The following ESR1 variants were observed in gnomAD, a reference collection of about 807,000 sequenced individuals.
ESR1 encodes the protein estrogen receptor 1.
In ESR1, 12 loss-of-function variants were observed where a neutral mutation model predicts 52.7. The ratio of observed to expected loss-of-function variants is 0.23; its 90% CI spans 0.15 to 0.37. The LOEUF is 0.37. Among genes scored for constraint, ESR1 ranks in the 10% least tolerant of loss-of-function variants. The pLI, the probability that ESR1 is intolerant of heterozygous loss-of-function variation, is 1.00. For synonymous variants in ESR1, 305 were observed against 316.8 expected (o/e 0.96, Z 0.39); for missense variants, 584 against 779.7 (o/e 0.75, Z 2.99).
Position 152,101,655 on chromosome 6 carries a change from A to G in ESR1, c.*2689A>G, listed in dbSNP as rs935206924. On this transcript the variant is annotated 3_prime_UTR_variant, in exon 8 of 8. Coordinates refer to ENST00000206249, the MANE Select transcript of ESR1 (RefSeq NM_000125.4). ...TGGGTGTAGGAACATGATTTAAAAA[A>G]AAACTCTTGCCTCTGCTTTCCCCCA... 8.7e-6 allele frequency: 2 copies of G among 231,204 alleles called. No homozygotes were observed. Among genetic ancestry groups the G allele is most frequent in the Non-Finnish European group, 1.7e-5 (2 of 116,926 alleles). 14.3% of individuals were successfully genotyped at this position (231,204 alleles called of 1,614,324 possible).
At chr6:151,830,140 C>T (rs1157665418) in intron 1 of ESR1, among the ~76,000 whole-genome samples, 1 of 152,136 alleles carries the variant, frequency 6.6e-6, no homozygotes, top group Non-Finnish European at 1.5e-5. Flanking sequence ...ATTTGGAGTT[C>T]TGTACTTTTG....
intron 1 of ESR1, among the ~76,000 whole-genome samples, chr6:151,839,431 G>T (rs1288407416): frequency 6.6e-6 from 1 of 152,172 alleles, no homozygotes; most frequent in Non-Finnish European, 1.5e-5. Context: ...GAAAACACTG[G>T]TGATTCCTCA....
At chr6:152,082,719 G>A (rs1402538275) in intron 6 of ESR1, among the ~76,000 whole-genome samples, 1 of 152,146 alleles carries the variant, frequency 6.6e-6, no homozygotes, top group Admixed American at 6.5e-5. Context: ...AAACCCCATT[G>A]TCTCAGCCCA....
At chr6:151,985,281 G>A (rs1336677575) in intron 4 of ESR1, among the ~76,000 whole-genome samples, 3 of 151,752 alleles carry the variant, frequency 2.0e-5, no homozygotes, top group Non-Finnish European at 2.9e-5. Flanking sequence ...TGAGACGGGC[G>A]GATCACCTGA....
chr6:152,007,193 C>T (rs1206671657), intron 4 of ESR1, among the ~76,000 whole-genome samples: 2 of 151,958 alleles, frequency 1.3e-5, no homozygotes, highest in Non-Finnish European at 2.9e-5. Flanking sequence ...TGTACCAACG[C>T]AAATTAGGCA....
chr6:151,725,645 A>G lies in ESR1; in HGVS notation c.-71+23640A>G, dbSNP rs902597232. On this transcript the variant is annotated intron_variant, in intron 2 of 2. Transcript: ENST00000404742. ...CTTGGCTTGAGCCAAAGTGTCATCT[A>G]ATTTTTATCCAGTAATTGTGGCAAC... Among the ~76,000 whole-genome samples the G allele has an allele frequency of 3.9e-5, 6 of 152,338 alleles. No homozygotes were observed. In the East Asian group the frequency reaches 5.8e-4, roughly 15 times the overall value.
chr6:151,961,248 G>A (rs760475008), intron 4 of ESR1, among the ~76,000 whole-genome samples: 1 of 152,136 alleles, frequency 6.6e-6, no homozygotes, highest in Non-Finnish European at 1.5e-5. Flanking sequence ...AGAAAGAAGA[G>A]AGGGAACCCG....
At chr6:151,707,583 T>C (rs1402274558) in intron 2 of ESR1, among the ~76,000 whole-genome samples, 1 of 152,142 alleles carries the variant, frequency 6.6e-6, no homozygotes, top group East Asian at 1.9e-4. Flanking sequence ...CATTAGAATT[T>C]ATTTACACTA....
intron 4 of ESR1, among the ~76,000 whole-genome samples, chr6:151,975,923 C>T (rs2039398109): frequency 6.6e-6 from 1 of 152,144 alleles, no homozygotes; most frequent in Non-Finnish European, 1.5e-5. Flanking sequence ...GATCAAGGAG[C>T]CTCCCCTTAA....
chr6:151,995,762 C>A (rs2041425541), intron 4 of ESR1, among the ~76,000 whole-genome samples: 1 of 152,180 alleles, frequency 6.6e-6, no homozygotes, highest in Non-Finnish European at 1.5e-5. Context: ...CACCTTGAAT[C>A]ACAATGAGTA....
At chr6:151,855,082 T>G (rs1279321273) in intron 2 of ESR1, among the ~76,000 whole-genome samples, 3 of 152,096 alleles carry the variant, frequency 2.0e-5, no homozygotes, top group Non-Finnish European at 2.9e-5. Flanking sequence ...CCCAACTAAT[T>G]TTTGTATTTT....
chr6:151,843,293 C>T (rs1784591256), intron 2 of ESR1, among the ~76,000 whole-genome samples: 1 of 152,104 alleles, frequency 6.6e-6, no homozygotes, highest in African/African-American at 2.4e-5. Flanking sequence ...CAATGGATGA[C>T]AGGATATTTT....
At chr6:151,991,262 T>A (rs1466682286) in intron 4 of ESR1, among the ~76,000 whole-genome samples, 1 of 152,228 alleles carries the variant, frequency 6.6e-6, no homozygotes, top group Non-Finnish European at 1.5e-5. Context: ...CTCATGTTCC[T>A]GAACTTCTTT....
intron 2 of ESR1, among the ~76,000 whole-genome samples, chr6:151,734,539 G>A (rs1185644213): frequency 1.3e-5 from 2 of 152,038 alleles, no homozygotes; most frequent in African/African-American, 2.4e-5. Flanking sequence ...TGGGGAGAGG[G>A]ACTCACCACC....
chr6:151,763,354 T>C (rs959200214), intron 2 of ESR1, among the ~76,000 whole-genome samples: 3 of 152,210 alleles, frequency 2.0e-5, no homozygotes, highest in African/African-American at 7.2e-5. Context: ...TGCATTCTTG[T>C]GTGCATTCTT....
At chr6:151,897,532 A>T (rs1463736616) in intron 3 of ESR1, among the ~76,000 whole-genome samples, 1 of 152,132 alleles carries the variant, frequency 6.6e-6, no homozygotes, top group Non-Finnish European at 1.5e-5. Flanking sequence ...ATTTGCATGG[A>T]ATGTCTTTTT....
At chr6:151,777,436 C>A (rs17081677) in intron 2 of ESR1, among the ~76,000 whole-genome samples, 13,228 of 151,980 alleles carry the variant, frequency 0.087, 701 homozygotes, top group African/African-American at 0.1. Context: ...TATTTTTTAA[C>A]CAGTCCCAAG....
chr6:151,737,494 G>A (rs1251294404), intron 2 of ESR1, among the ~76,000 whole-genome samples: 2 of 152,072 alleles, frequency 1.3e-5, no homozygotes, highest in Non-Finnish European at 2.9e-5. Flanking sequence ...TCATATCAAT[G>A]TGCATTTTTT....
At chr6:151,743,554 G>C (rs1226169862) in intron 2 of ESR1, among the ~76,000 whole-genome samples, 1 of 152,150 alleles carries the variant, frequency 6.6e-6, no homozygotes, top group Non-Finnish European at 1.5e-5. Flanking sequence ...TCCTAAAACT[G>C]AGTTCAAGCA....
Sources: allele counts gnomAD v4.1 joint callset (sites outside exome capture counted in the v4.1 genomes callset), GRCh38; gene constraint gnomAD v4.1.1; transcripts MANE v1.5; gene names NCBI Gene and HGNC (gene_info 2026-07-23, HGNC 2026-07-21).